KCNT2: variants seen among roughly 807,000 people sequenced by gnomAD.
KCNT2 encodes the protein potassium channel subfamily T member 2.
KCNT2 carries 67 observed loss-of-function variants against 153.8 expected under a neutral mutation model. That is an observed-to-expected ratio of 0.44 (90% CI 0.36 to 0.53). The LOEUF is 0.53. KCNT2 is among the 20% of genes least tolerant of loss of function. The pLI, the probability that KCNT2 is intolerant of heterozygous loss-of-function variation, is 0.00. For missense variants in KCNT2, 975 were observed against 1,354.8 expected, an observed-to-expected ratio of 0.72 and a Z score of 4.40; for synonymous variants, 500 against 458.8, an observed-to-expected ratio of 1.09 and a Z score of -1.15.
At chr1:196,402,189 T>C (rs1465917027) in intron 12 of KCNT2, among the ~76,000 whole-genome samples, 2 of 151,482 alleles carry the variant, frequency 1.3e-5, no homozygotes, top group South Asian at 2.1e-4. Context: ...TTAAGAAAAC[T>C]ATATAAACTC....
intron 5 of KCNT2, among the ~76,000 whole-genome samples, chr1:196,475,999 A>G (rs1445784763): frequency 4.6e-5 from 7 of 152,212 alleles, no homozygotes; most frequent in Admixed American, 1.3e-4. Context: ...TTTATAAATT[A>G]TAAGCAATAA....
At chr1:196,567,252 A>G (rs1399711264) in intron 1 of KCNT2, among the ~76,000 whole-genome samples, 2 of 152,066 alleles carry the variant, frequency 1.3e-5, no homozygotes, top group Non-Finnish European at 2.9e-5. Flanking sequence ...CATTTCTTGA[A>G]CACAACTCTC....
chr1:196,387,990 C>T (rs372576469), intron 13 of KCNT2, among the ~76,000 whole-genome samples: 1 of 149,550 alleles, frequency 6.7e-6, no homozygotes, highest in Non-Finnish European at 1.5e-5. Context: ...GAAATATTTG[C>T]TACTCAAGTC....
At chr1:196,292,338 T>C (rs1437163506) in intron 22 of KCNT2, among the ~76,000 whole-genome samples, 1 of 152,136 alleles carries the variant, frequency 6.6e-6, no homozygotes, top group Non-Finnish European at 1.5e-5. Context: ...ATATACGCCA[T>C]GTATAAAAAC....
At chr1:196,607,775 C>G (rs1665482894) in intron 1 of KCNT2, among the ~76,000 whole-genome samples, 1 of 152,148 alleles carries the variant, frequency 6.6e-6, no homozygotes, top group South Asian at 2.1e-4. Flanking sequence ...GGTAAATAGA[C>G]TCAGGAGATT....
chr1:196,358,001 T>A (rs937947384), intron 14 of KCNT2, among the ~76,000 whole-genome samples: 22 of 151,952 alleles, frequency 1.4e-4, no homozygotes, highest in African/African-American at 5.3e-4. Flanking sequence ...TTCTTTTTTA[T>A]TTATTACGAC....
At chr1:196,473,873 A>G (rs1284578778) in intron 5 of KCNT2, among the ~76,000 whole-genome samples, 1 of 152,262 alleles carries the variant, frequency 6.6e-6, no homozygotes, top group Non-Finnish European at 1.5e-5. Context: ...CTAAGAAATA[A>G]AATTGAAAGG....
intron 26 of KCNT2, 84 bp downstream of exon 26, chr1:196,258,110 C>T: frequency 1.3e-6 from 2 of 1,499,820 alleles, no homozygotes; most frequent in South Asian, 1.4e-5. Flanking sequence ...AAATTCAATT[C>T]TTTATTAAAT....
At chr1:196,451,563 T>G (rs1176107818) in intron 8 of KCNT2, among the ~76,000 whole-genome samples, 1 of 151,120 alleles carries the variant, frequency 6.6e-6, no homozygotes, top group African/African-American at 2.4e-5. Flanking sequence ...TCCTCTTTCT[T>G]TTCATTTGCA....
chr1:196,331,152 T>C lies in KCNT2; in HGVS notation c.2103+4A>G. On this transcript the variant is annotated splice_donor_region_variant and intron_variant, in intron 18 of 27. Coordinates refer to ENST00000294725, the MANE Select transcript of KCNT2 (RefSeq NM_198503.5). Reference sequence around the variant, plus strand: ...TAAACAAAAAAGCATCAACAAGTACTTACCTTGTCTAATCTTAAGCAGCAA... The same window carrying C: ...TAAACAAAAAAGCATCAACAAGTACCTACCTTGTCTAATCTTAAGCAGCAA... 6.6e-7 allele frequency: 1 copy of C among 1,515,902 alleles called. No individual in the cohort carries two copies. The highest frequency in any genetic ancestry group is 9.2e-7 in the Non-Finnish European group (1 of 1,091,718). The allele number at this position is 1,515,902 out of a possible 1,614,324, so 93.9% of individuals were successfully genotyped here.
chr1:196,332,880 G>A (rs1199859230), intron 17 of KCNT2, among the ~76,000 whole-genome samples: 6 of 150,816 alleles, frequency 4.0e-5, no homozygotes, highest in Non-Finnish European at 5.9e-5. Context: ...CACCTCCTGC[G>A]TTCAAGTGAT....
At chr1:196,285,546 C>A in intron 23 of KCNT2, 111 bp downstream of exon 23, 2 of 581,752 alleles carry the variant, frequency 3.4e-6, no homozygotes, top group Non-Finnish European at 6.0e-6. Context: ...ACTTTTGGAG[C>A]CAATTTTAAG....
intron 26 of KCNT2, among the ~76,000 whole-genome samples, chr1:196,237,253 G>A (rs1036188230): frequency 5.9e-5 from 9 of 151,652 alleles, no homozygotes; most frequent in Non-Finnish European, 1.3e-4. Context: ...CGAGAAACCT[G>A]TCACTTTAAT....
chr1:196,391,727 T>C (rs1670513326), intron 13 of KCNT2, among the ~76,000 whole-genome samples: 1 of 151,446 alleles, frequency 6.6e-6, no homozygotes, highest in African/African-American at 2.4e-5. Context: ...TCAACACCAA[T>C]GTTAATTTCT....
At chr1:196,263,085 T>C (rs1005133770) in intron 25 of KCNT2, among the ~76,000 whole-genome samples, 16 of 152,178 alleles carry the variant, frequency 1.1e-4, no homozygotes, top group African/African-American at 3.9e-4. Context: ...AAAATTATTT[T>C]AATCTTTGAT....
intron 14 of KCNT2, among the ~76,000 whole-genome samples, chr1:196,361,271 T>A (rs2148272822): frequency 6.6e-6 from 1 of 151,416 alleles, no homozygotes; most frequent in Non-Finnish European, 1.5e-5. Context: ...AAGATGAGAG[T>A]TTGCCATAGA....
intron 8 of KCNT2, among the ~76,000 whole-genome samples, chr1:196,444,440 A>G (rs9662866): frequency 0.067 from 10,165 of 151,276 alleles, 1,152 homozygotes; most frequent in African/African-American, 0.23. Flanking sequence ...CTTTCCTTTG[A>G]ATTTATATTT....
chr1:196,305,288 G>T lies in KCNT2; in HGVS notation c.2541C>A (p.Phe847Leu). 6.2e-7 allele frequency: 1 copy of T among 1,612,938 alleles called. No homozygotes were observed. The highest frequency in any genetic ancestry group is 8.5e-7 in the Non-Finnish European group (1 of 1,179,286). Residue 847 changes from phenylalanine (F) to leucine (L), a missense_variant, in exon 22 of 28, where the codon TTC (phenylalanine) becomes TTA (leucine). Phe to Leu is a conservative substitution (Grantham distance 22). This residue lies in a region of KCNT2 where 66 missense variants were observed against 147.9 expected (regional missense o/e 0.45). Coordinates refer to ENST00000294725, the MANE Select transcript of KCNT2 (RefSeq NM_198503.5). ...TELTHPANMR[F>L]MQFRAKDCYS... ...AACAGTCTTTGGCTCTGAATTGCAT[G>T]AATCTCATGTTGGCGGGGTGAGTTA...
rs542651157 is a variant in KCNT2 at position 196,384,732 on chromosome 1, T to A, written c.1295-11484A>T. On this transcript the variant is annotated intron_variant, in intron 13 of 27. Coordinates refer to ENST00000294725, the MANE Select transcript of KCNT2 (RefSeq NM_198503.5). ...CAAAAAAAAAAAAAAAAAAAAAATCTGTTAAAACTGTTTTGGCAACCATTA... is the reference window on the plus strand; with the variant it reads ...CAAAAAAAAAAAAAAAAAAAAAATCAGTTAAAACTGTTTTGGCAACCATTA... Among the ~76,000 whole-genome samples, 611 of 148,010 alleles carry A rather than the reference T, an allele frequency of 4.1e-3. 3 individuals carry two copies. Among genetic ancestry groups the A allele is most frequent in the African/African-American group, 0.014 (561 of 40,144 alleles).
Sources: allele counts gnomAD v4.1 joint callset (sites outside exome capture counted in the v4.1 genomes callset), GRCh38; gene constraint gnomAD v4.1.1; regional missense constraint gnomAD v4.1.1; transcripts MANE v1.5; gene names NCBI Gene and HGNC (gene_info 2026-07-23, HGNC 2026-07-21).